The following MAF variants were observed in gnomAD, a reference collection of about 807,000 sequenced individuals.
MAF encodes the protein transcription factor Maf.
In MAF, 10 loss-of-function variants were observed where a neutral mutation model predicts 22.0. That is an observed-to-expected ratio of 0.45 (90% CI 0.28 to 0.77). The LOEUF is 0.77. Ranked by LOEUF, MAF falls within the 30% of genes least tolerant of loss-of-function variation. MAF has a pLI of 0.12. For missense variants in MAF, 544 were observed against 548.4 expected, an observed-to-expected ratio of 0.99 and a Z score of 0.08; for synonymous variants, 337 against 255.8, an observed-to-expected ratio of 1.32 and a Z score of -3.03.
the MAF span, among the ~76,000 whole-genome samples, chr16:79,470,923 A>C: frequency 6.6e-6 from 1 of 152,248 alleles, no homozygotes; most frequent in East Asian, 1.9e-4. Context: ...CAAATTATTC[A>C]GTTAACTGGA....
the MAF span, among the ~76,000 whole-genome samples, chr16:79,475,819 G>T: frequency 6.6e-6 from 1 of 152,166 alleles, no homozygotes; most frequent in Non-Finnish European, 1.5e-5. Context: ...ATGAGGGTTT[G>T]TTACACTTGT....
At chr16:79,317,948 A>G in the MAF span, among the ~76,000 whole-genome samples, 2 of 129,992 alleles carry the variant, frequency 1.5e-5, no homozygotes, top group Non-Finnish European at 3.4e-5. Flanking sequence ...TCACTCACTC[A>G]CTCACTCACT....
At chr16:79,228,829 G>A in the MAF span, among the ~76,000 whole-genome samples, 1 of 151,888 alleles carries the variant, frequency 6.6e-6, no homozygotes. Context: ...TCCACCAAGG[G>A]TGCAGGTTTA....
chr16:79,549,112 C>A, the MAF span, among the ~76,000 whole-genome samples: 1 of 152,120 alleles, frequency 6.6e-6, no homozygotes, highest in African/African-American at 2.4e-5. Context: ...ATTAAATGAG[C>A]TAATGTATGC....
At chr16:79,232,922 G>C in the MAF span, among the ~76,000 whole-genome samples, 2 of 146,140 alleles carry the variant, frequency 1.4e-5, no homozygotes, top group Non-Finnish European at 3.0e-5. Context: ...CTCACTGCAA[G>C]CTCTGCCTCC....
the MAF span, among the ~76,000 whole-genome samples, chr16:79,269,589 G>A: frequency 6.6e-6 from 1 of 152,100 alleles, no homozygotes; most frequent in Non-Finnish European, 1.5e-5. Context: ...CAGAAATAAG[G>A]TCATGGTGAA....
chr16:79,373,532 G>A, the MAF span, among the ~76,000 whole-genome samples: 1 of 151,780 alleles, frequency 6.6e-6, no homozygotes, highest in African/African-American at 2.4e-5. Flanking sequence ...GCAGGCATGT[G>A]CCACCACACC....
At chr16:79,387,956 T>G in the MAF span, among the ~76,000 whole-genome samples, 1 of 152,168 alleles carries the variant, frequency 6.6e-6, no homozygotes, top group Non-Finnish European at 1.5e-5. Flanking sequence ...TGTGAATAAA[T>G]AATAAATCAG....
chr16:79,550,138 C>G, the MAF span, among the ~76,000 whole-genome samples: 2 of 152,258 alleles, frequency 1.3e-5, no homozygotes, highest in African/African-American at 4.8e-5. Flanking sequence ...CCCAGGGCAT[C>G]TGCAGAGCCC....
chr16:79,211,920 G>GCATT, the MAF span: 1 of 1,543,598 alleles, frequency 6.5e-7, no homozygotes, highest in Middle Eastern at 1.7e-4. Flanking sequence ...GGAAATAAGA[G>GCATT]CAGTCACAAC....
At chr16:79,557,549 C>T in the MAF span, among the ~76,000 whole-genome samples, 120 of 152,160 alleles carry the variant, frequency 7.9e-4, no homozygotes, top group Non-Finnish European at 1.3e-3. Context: ...TTACTACTTA[C>T]GTGGCCTTGG....
At chr16:79,513,068 A>C in the MAF span, among the ~76,000 whole-genome samples, 1 of 152,374 alleles carries the variant, frequency 6.6e-6, no homozygotes, top group Non-Finnish European at 1.5e-5. Context: ...GCCTGTAAGC[A>C]CCAGCAGCAA....
At chr16:79,341,240 G>A in the MAF span, among the ~76,000 whole-genome samples, 1 of 152,194 alleles carries the variant, frequency 6.6e-6, no homozygotes, top group Non-Finnish European at 1.5e-5. Flanking sequence ...GTGGGTAGGT[G>A]CTGGAGCCAG....
At chr16:79,438,530 G>T in the MAF span, among the ~76,000 whole-genome samples, 1 of 152,162 alleles carries the variant, frequency 6.6e-6, no homozygotes, top group African/African-American at 2.4e-5. Flanking sequence ...TACTTATTTT[G>T]CGTCAGTGGC....
the MAF span, among the ~76,000 whole-genome samples, chr16:79,436,132 G>C: frequency 6.6e-6 from 1 of 152,290 alleles, no homozygotes; most frequent in East Asian, 1.9e-4. Flanking sequence ...ACCCAGGCTG[G>C]AGTGCAGTGG....
At chr16:79,598,446 G>C in intron 1 of MAF, 2 of 1,219,838 alleles carry the variant, frequency 1.6e-6, no homozygotes, top group Admixed American at 4.1e-5. Flanking sequence ...GGGGTGGGGC[G>C]GGGGGGTGTA....
At chr16:79,264,812 C>T in the MAF span, among the ~76,000 whole-genome samples, 1 of 152,184 alleles carries the variant, frequency 6.6e-6, no homozygotes, top group Non-Finnish European at 1.5e-5. Flanking sequence ...AGCTCCATGT[C>T]TTCAAGACAG....
At chr16:79,516,333 G>A in the MAF span, 1 of 152,192 alleles carries the variant, frequency 6.6e-6, no homozygotes, top group African/African-American at 2.4e-5. Context: ...AGGATGCCTA[G>A]AAGGAATATC....
the MAF span, among the ~76,000 whole-genome samples, chr16:79,252,578 C>T: frequency 6.6e-6 from 1 of 152,146 alleles, no homozygotes; most frequent in South Asian, 2.1e-4. Context: ...CAACCGCAAC[C>T]TCCTGGGTTC....
Sources: allele counts gnomAD v4.1 joint callset (sites outside exome capture counted in the v4.1 genomes callset), GRCh38; gene constraint gnomAD v4.1.1; transcripts MANE v1.5; gene names NCBI Gene and HGNC (gene_info 2026-07-23, HGNC 2026-07-21).